The following CHRNE variants were observed in gnomAD, a reference collection of about 807,000 sequenced individuals.
The protein encoded by CHRNE is acetylcholine receptor subunit epsilon.
Under a neutral mutation model 56.5 loss-of-function variants are expected in CHRNE, and 58 were observed. That is an observed-to-expected ratio of 1.03 (90% confidence interval 0.83 to 1.28). The LOEUF is 1.28. Among genes scored for constraint, CHRNE ranks in the 50% most tolerant of loss-of-function variants. The probability of loss-of-function intolerance (pLI) is 0.00; values close to 1 mark genes in which losing one functional copy is unlikely to be tolerated. For missense variants in CHRNE, 793 were observed against 688.9 expected (o/e 1.15, Z -1.69); for synonymous variants, 385 against 297.9 (o/e 1.29, Z -3.01).
upstream of CHRNE, among the ~76,000 whole-genome samples, chr17:4,905,012 C>T (rs987637800): frequency 5.9e-5 from 9 of 152,230 alleles, no homozygotes; most frequent in Non-Finnish European, 1.0e-4. Flanking sequence ...AGAGCTTCCG[C>T]GTCAAGGCTT....
Position 4,902,893 on chromosome 17 carries a change from T to A in CHRNE, c.46+125A>T. On this transcript the variant is annotated intron_variant, in intron 1 of 11. Transcript: ENST00000649488. This position sits in a 1 kb window ranked among gnomAD's most constrained non-coding sequence, Gnocchi z 4.0. ...TATCAGTATCTGTCTCCTAAACCAA[T>A]TATGCTGTGCCTGGGAACGAAATAC... 21 of 1,581,832 alleles carry A rather than the reference T, an allele frequency of 1.3e-5. No individual in the cohort carries two copies. Among genetic ancestry groups the A allele is most frequent in the Non-Finnish European group, 1.8e-5 (21 of 1,151,638 alleles).
chr17:4,902,043 ACGAG>A lies in CHRNE; in HGVS notation c.385_388del (p.Leu129SerfsTer7), dbSNP rs1411229157. On this transcript the variant is annotated frameshift_variant, in exon 5 of 12. Transcript: ENST00000649488. LOFTEE classifies it high-confidence loss of function. The surrounding 1 kb of genome is among the most constrained non-coding windows in gnomAD (Gnocchi z 4.0). ...CCACGTCACGGAGCCGCCCTCGTAG[ACGAG>A]CACGTTGGCGTCGTAGGCCACTCCG... 1 of 1,614,070 alleles carries A rather than the reference ACGAG, an allele frequency of 6.2e-7. No individual in the cohort carries two copies. The highest frequency in any genetic ancestry group is 8.5e-7 in the Non-Finnish European group (1 of 1,180,030).
chr17:4,898,771 G>A lies in CHRNE; in HGVS notation c.1447C>T (p.Pro483Ser). ...IFLGAYFNRV[P>S]DLPYAPCIQP The stretch of plus-strand genomic sequence containing the variant: ...ATACACGGCGCGTAGGGGAGATCAG[G>A]CACTCGGTTGAAGTAGGCCCCGAGG... The change falls in exon 12 of 12, where the codon CCT becomes TCT. Residue 483 changes from proline (P) to serine (S), a missense_variant. By Grantham distance (74) the Pro-to-Ser change is moderately conservative (BLOSUM62 -1). Coordinates refer to ENST00000649488, the MANE Select transcript of CHRNE (RefSeq NM_000080.4). 1 of 1,610,600 alleles carries A rather than the reference G, an allele frequency of 6.2e-7. No individual in the cohort carries two copies. The highest frequency in any genetic ancestry group is 1.1e-5 in the South Asian group (1 of 90,164).
At chr17:4,905,946 G>A (rs988646599), upstream of CHRNE, among the ~76,000 whole-genome samples, 4 of 152,200 alleles carry the variant, frequency 2.6e-5, no homozygotes, top group Non-Finnish European at 5.9e-5. Context: ...CAGAGGCCAA[G>A]GCAGCTCCAG....
At chr17:4,903,901 AGACTG>A (rs1203384171), upstream of CHRNE, among the ~76,000 whole-genome samples, 2 of 152,326 alleles carry the variant, frequency 1.3e-5, no homozygotes, top group African/African-American at 4.8e-5. Context: ...TCTGGCGCCC[AGACTG>A]GAGTGCAGTG....
chr17:4,901,754 G>A (rs1969993531), intron 5 of CHRNE, 129 bp from the exon 6 acceptor site: 6 of 1,233,012 alleles, frequency 4.9e-6, no homozygotes, highest in Middle Eastern at 2.7e-4. Context: ...AGCCCAGCCC[G>A]CACGCCTCTG....
At position 4,902,937 on chromosome 17, in the gene CHRNE, T is replaced by C. The variant is rs1463644682; in HGVS notation, c.46+81A>G. On this transcript the variant is annotated intron_variant, in intron 1 of 11. Transcript: ENST00000649488. The surrounding 1 kb of genome is among the most constrained non-coding windows in gnomAD (Gnocchi z 4.0). ...GAAATACTGTGTCTAAGTCTCCATC[T>C]TGGTCTCTGTCTTTGTCTTCCCAGT... 2 of 1,598,388 alleles carry C rather than the reference T, an allele frequency of 1.3e-6. No individual in the cohort carries two copies. The highest frequency in any genetic ancestry group is 1.3e-5 in the African/African-American group (1 of 74,536).
chr17:4,901,701 G>A (rs1597620590), intron 5 of CHRNE, 76 bp from the exon 6 acceptor site: 11 of 1,436,412 alleles, frequency 7.7e-6, no homozygotes, highest in East Asian at 2.3e-5. Flanking sequence ...CCTGGAAGCT[G>A]GGATCTAGCG....
rs761189555 is a variant in CHRNE, at chr17:4,899,035, G to A, written c.1292C>T (p.Ala431Val). The change falls in exon 11 of 12, where the codon GCC (alanine) becomes GTC (valine). Residue 431 changes from alanine (A) to valine (V), a missense_variant. Ala to Val is a moderately conservative substitution (Grantham distance 64). Coordinates refer to ENST00000649488, the MANE Select transcript of CHRNE (RefSeq NM_000080.4). ...RCCVDAVNFVAESTRDQEATG... is the reference protein window; with the variant it reads ...RCCVDAVNFVVESTRDQEATG... Reference sequence around the variant, plus strand: ...GGCCTCCTGATCTCTCGTGCTCTCGGCCACGAAGTTCACGGCATCCACACA... The same window carrying A: ...GGCCTCCTGATCTCTCGTGCTCTCGACCACGAAGTTCACGGCATCCACACA... 4.3e-6 allele frequency: 7 copies of A among 1,610,676 alleles called. No homozygotes were observed. Among genetic ancestry groups the A allele is most frequent in the Admixed American group, 1.7e-5 (1 of 59,740 alleles).
At chr17:4,898,920 G>GAGGC in intron 11 of CHRNE, 29 bp from the exon 12 acceptor site, 1 of 1,568,748 alleles carries the variant, frequency 6.4e-7, no homozygotes, top group Non-Finnish European at 8.6e-7. Context: ...AGTCAGTAAA[G>GAGGC]AGGCAGCTGC....
At chr17:4,903,391 G>A (rs1216208896), upstream of CHRNE, among the ~76,000 whole-genome samples, 2 of 152,080 alleles carry the variant, frequency 1.3e-5, no homozygotes, top group Non-Finnish European at 2.9e-5. Context: ...ACTGCTTTCA[G>A]CAGGCACTGT....
At chr17:4,899,723 G>A (rs899557194) in intron 8 of CHRNE, 141 bp from the exon 9 acceptor site, 63 of 1,531,906 alleles carry the variant, frequency 4.1e-5, no homozygotes, top group Non-Finnish European at 5.0e-5. Context: ...CGACAGACGC[G>A]TCCCCCAGCC....
In CHRNE at chr17:4,903,066, T is replaced by C; in HGVS notation, c.-3A>G. Reference sequence around the variant, plus strand: ...ACCCCAAGCGGAGCCCTTGCCATCCTGCTGCGTGGTTCTCAGGGTTATTCT... The same window carrying C: ...ACCCCAAGCGGAGCCCTTGCCATCCCGCTGCGTGGTTCTCAGGGTTATTCT... On this transcript the variant is annotated 5_prime_UTR_variant, in exon 1 of 12. Transcript: ENST00000649488. The C allele has an allele frequency of 1.2e-6, 2 of 1,614,034 alleles. 1 individual carries two copies. Among genetic ancestry groups the C allele is most frequent in the South Asian group, 2.2e-5 (2 of 91,052 alleles).
At position 4,897,996 on chromosome 17, in the gene CHRNE, C is replaced by G. The variant is rs1391100612; in HGVS notation, c.*740G>C. 1 of 151,822 alleles carries G rather than the reference C, an allele frequency of 6.6e-6. No homozygotes were observed. Among genetic ancestry groups the G allele is most frequent in the Non-Finnish European group, 1.5e-5 (1 of 68,048 alleles). The allele number at this position is 151,822 out of a possible 1,614,324, so 9.4% of individuals were successfully genotyped here. On this transcript the variant is annotated 3_prime_UTR_variant, in exon 12 of 12. Coordinates refer to ENST00000649488, the MANE Select transcript of CHRNE (RefSeq NM_000080.4). Reference sequence around the variant, plus strand: ...TAACCCTTCTCCCTCCCCCCCCACCCCTCCTCAATGTAGTGGCCTTGGATA... The same window carrying G: ...TAACCCTTCTCCCTCCCCCCCCACCGCTCCTCAATGTAGTGGCCTTGGATA...
rs765175027 is a variant in CHRNE at position 4,901,200 on chromosome 17, G to T, written c.602-10C>A. 9 of 1,599,650 alleles carry T rather than the reference G, an allele frequency of 5.6e-6. No individual in the cohort carries two copies. In the South Asian group the frequency reaches 9.9e-5, roughly 18 times the overall value. Reference sequence around the variant, plus strand: ...GCCCACTCGCCGTTCTCTGCGGGACGGGGGCACGGTCAGCTGGCTGTCAGA... The same window carrying T: ...GCCCACTCGCCGTTCTCTGCGGGACTGGGGCACGGTCAGCTGGCTGTCAGA... On this transcript the variant is annotated splice_polypyrimidine_tract_variant and intron_variant, in intron 6 of 11. Transcript: ENST00000649488.
In CHRNE at chr17:4,898,223, G is replaced by A. The variant is rs1474096545; in HGVS notation, c.*513C>T. The A allele has an allele frequency of 1.0e-5, 2 of 199,520 alleles. No individual in the cohort carries two copies. The highest frequency in any genetic ancestry group is 1.6e-4 in the South Asian group (2 of 12,544). 12.4% of individuals were successfully genotyped at this position (199,520 alleles called of 1,614,324 possible). A position where few individuals can be genotyped will look rare whatever the true frequency, so the allele number is the denominator to read the frequency against. On this transcript the variant is annotated 3_prime_UTR_variant, in exon 12 of 12. Transcript: ENST00000649488. ...CCAAGAAAACCTAGAAGAAATGACT[G>A]TGGAAGGGTCAGGGCAGCCTCAGCC...
chr17:4,899,217 G>C lies in CHRNE; in HGVS notation c.1200C>G (p.His400Gln). 2 of 1,606,256 alleles carry C rather than the reference G, an allele frequency of 1.2e-6. No homozygotes were observed. The highest frequency in any genetic ancestry group is 1.7e-6 in the Non-Finnish European group (2 of 1,178,536). Residue 400 changes from histidine (H) to glutamine (Q), a missense_variant, in exon 10 of 12, where the codon CAC (histidine) becomes CAG (glutamine). Coordinates refer to ENST00000649488, the MANE Select transcript of CHRNE (RefSeq NM_000080.4). ...RSELVFEGQR[H>Q]RQGTWTAAFC... ...GCTCACCCGTCCAGGTCCCCTGCCG[G>C]TGCCTCTGCCCCTCAAACACGAGCT...
At chr17:4,905,834 C>T (rs992518252), upstream of CHRNE, among the ~76,000 whole-genome samples, 6 of 152,138 alleles carry the variant, frequency 3.9e-5, no homozygotes, top group Admixed American at 1.3e-4. Flanking sequence ...GCACTCCAGC[C>T]CGGGTGACAG....
Position 4,901,961 on chromosome 17 carries a change from G to A in CHRNE, c.471C>T (p.Phe157=). ...VCAVEVTYFP[F]DWQNCSLIFR... is the part of the protein sequence containing the mutation. Reference sequence around the variant, plus strand: ...AAATAAGCGAACAGTTCTGCCAATCGAAGGGGAAGTAGGTGACCTCCACTG... The same window carrying A: ...AAATAAGCGAACAGTTCTGCCAATCAAAGGGGAAGTAGGTGACCTCCACTG... The change falls in exon 5 of 12, where the codon TTC becomes TTT. Residue 157 remains phenylalanine, a synonymous_variant. Coordinates refer to ENST00000649488, the MANE Select transcript of CHRNE (RefSeq NM_000080.4). 6.2e-7 allele frequency: 1 copy of A among 1,613,342 alleles called. No homozygotes were observed. Among genetic ancestry groups the A allele is most frequent in the Non-Finnish European group, 8.5e-7 (1 of 1,179,874 alleles).
Sources: allele counts gnomAD v4.1 joint callset (sites outside exome capture counted in the v4.1 genomes callset), GRCh38; gene constraint gnomAD v4.1.1; non-coding constraint Gnocchi (gnomAD v3.1); transcripts MANE v1.5; gene names NCBI Gene and HGNC (gene_info 2026-07-23, HGNC 2026-07-21).